PTPRD: variants seen among roughly 807,000 people sequenced by gnomAD.
PTPRD encodes the protein receptor-type tyrosine-protein phosphatase delta.
In PTPRD, 34 loss-of-function variants were observed where a neutral mutation model predicts 214.5. That is an observed-to-expected ratio of 0.16 (90% CI 0.12 to 0.21). PTPRD has a LOEUF of 0.21. Among genes scored for constraint, PTPRD ranks in the 10% least tolerant of loss-of-function variants. The probability of loss-of-function intolerance (pLI) is 1.00; values close to 1 mark genes in which losing one functional copy is unlikely to be tolerated. For missense variants in PTPRD, 2,545 were observed against 2,398.7 expected, an observed-to-expected ratio of 1.06 and a Z score of -1.27; for synonymous variants, 1,128 against 845.7, an observed-to-expected ratio of 1.33 and a Z score of -5.79.
intron 2 of PTPRD, among the ~76,000 whole-genome samples, chr9:10,415,690 T>C (rs1354772903): frequency 6.6e-6 from 1 of 151,880 alleles, no homozygotes; most frequent in East Asian, 2.0e-4. Flanking sequence ...AAGTGAATCA[T>C]TGCTGAAATG....
At chr9:10,506,081 T>C (rs982780003) in intron 2 of PTPRD, among the ~76,000 whole-genome samples, 3 of 152,122 alleles carry the variant, frequency 2.0e-5, no homozygotes, top group African/African-American at 4.8e-5. Flanking sequence ...ATGAAGGTTA[T>C]TGATTGCAAG....
intron 12 of PTPRD, among the ~76,000 whole-genome samples, chr9:8,715,054 G>C (rs1287702144): frequency 6.6e-6 from 1 of 150,840 alleles, no homozygotes; most frequent in East Asian, 1.9e-4. Flanking sequence ...AGACATTCAA[G>C]AAGAAAGAGA....
At chr9:9,027,296 G>T (rs1011242958) in intron 10 of PTPRD, among the ~76,000 whole-genome samples, 3 of 151,746 alleles carry the variant, frequency 2.0e-5, no homozygotes, top group African/African-American at 7.3e-5. Context: ...AGAATAGATA[G>T]ATATACAATG....
chr9:10,362,732 T>G (rs949911903), intron 2 of PTPRD, among the ~76,000 whole-genome samples: 1 of 151,826 alleles, frequency 6.6e-6, no homozygotes, highest in Non-Finnish European at 1.5e-5. Flanking sequence ...ATATAAAAAT[T>G]AGCCAGGCAT....
At chr9:9,493,714 G>C (rs1283370947) in intron 8 of PTPRD, among the ~76,000 whole-genome samples, 2 of 148,654 alleles carry the variant, frequency 1.3e-5, no homozygotes, top group African/African-American at 5.0e-5. Context: ...CGTGAACCCA[G>C]GAGGCAGAGC....
At chr9:10,549,347 C>T (rs1244549239) in intron 2 of PTPRD, among the ~76,000 whole-genome samples, 5 of 151,928 alleles carry the variant, frequency 3.3e-5, no homozygotes, top group Middle Eastern at 3.2e-3. Flanking sequence ...GAGTTGATTC[C>T]GATGAAGGAT....
At chr9:9,511,902 T>C (rs1340846224) in intron 8 of PTPRD, among the ~76,000 whole-genome samples, 1 of 151,768 alleles carries the variant, frequency 6.6e-6, no homozygotes, top group East Asian at 1.9e-4. Context: ...AAATTTTTCA[T>C]AGAAGACCTA....
chr9:8,440,039 C>G (rs911011081), intron 34 of PTPRD, among the ~76,000 whole-genome samples: 1 of 139,152 alleles, frequency 7.2e-6, no homozygotes, highest in Non-Finnish European at 1.5e-5. Flanking sequence ...TTTAAAGTTC[C>G]TCAGCACTGG....
At chr9:10,590,578 G>T (rs1567097236) in intron 2 of PTPRD, among the ~76,000 whole-genome samples, 1 of 151,892 alleles carries the variant, frequency 6.6e-6, no homozygotes. Flanking sequence ...TATATAATAT[G>T]TTGTCTCTGG....
At chr9:8,434,259 A>G (rs1388589883) in intron 35 of PTPRD, among the ~76,000 whole-genome samples, 3 of 152,174 alleles carry the variant, frequency 2.0e-5, no homozygotes, top group African/African-American at 7.2e-5. Flanking sequence ...GGGATTACAC[A>G]AGTGAGCCAC....
chr9:9,398,046 C>T (rs1391564182), intron 8 of PTPRD, among the ~76,000 whole-genome samples: 1 of 151,916 alleles, frequency 6.6e-6, no homozygotes, highest in Non-Finnish European at 1.5e-5. Flanking sequence ...TTATCTCCCA[C>T]TATTTTCCCT....
intron 8 of PTPRD, among the ~76,000 whole-genome samples, chr9:9,465,901 G>C (rs1325997214): frequency 6.6e-6 from 1 of 151,926 alleles, no homozygotes; most frequent in Non-Finnish European, 1.5e-5. Context: ...CACCCAATCG[G>C]CCACAACCAT....
At chr9:8,397,492 C>T (rs939432606) in intron 36 of PTPRD, among the ~76,000 whole-genome samples, 3 of 152,016 alleles carry the variant, frequency 2.0e-5, no homozygotes, top group Non-Finnish European at 1.5e-5. Context: ...ATTGAAAATA[C>T]ATCCAGTTAC....
chr9:8,866,379 GT>G (rs1171692686), intron 11 of PTPRD, among the ~76,000 whole-genome samples: 2 of 151,970 alleles, frequency 1.3e-5, no homozygotes, highest in Non-Finnish European at 2.9e-5. Context: ...TATCTCTACT[GT>G]TCTCTGGACT....
At position 8,386,189 on chromosome 9, in the gene PTPRD, T is replaced by C. The variant is rs1293432185; in HGVS notation, c.4386+3043A>G. ...AGGAGTCAAGTAAACTTGCTCATTG[T>C]CACACAGCTAGTAGAGGCTAGAGTT... On this transcript the variant is annotated intron_variant, in intron 37 of 45. Transcript: ENST00000381196. Among the ~76,000 whole-genome samples, 3 of 152,186 alleles carry C rather than the reference T, an allele frequency of 2.0e-5. 1 individual carries two copies. The highest frequency in any genetic ancestry group is 4.4e-5 in the Non-Finnish European group (3 of 68,030).
At chr9:9,879,627 A>G (rs1190178963) in intron 5 of PTPRD, among the ~76,000 whole-genome samples, 1 of 152,206 alleles carries the variant, frequency 6.6e-6, no homozygotes, top group African/African-American at 2.4e-5. Context: ...CTGTCAGACC[A>G]GGAATATACT....
intron 37 of PTPRD, among the ~76,000 whole-genome samples, chr9:8,378,290 G>A (rs976409940): frequency 6.6e-5 from 10 of 152,010 alleles, no homozygotes; most frequent in Admixed American, 1.3e-4. Context: ...GAATACTGAC[G>A]TAGAGTGACC....
chr9:10,350,687 G>A (rs2097166867), intron 2 of PTPRD, among the ~76,000 whole-genome samples: 1 of 152,108 alleles, frequency 6.6e-6, no homozygotes, highest in African/African-American at 2.4e-5. Context: ...GTATTACACT[G>A]TATATAAAAA....
chr9:10,340,434 G>C (rs1380620837), intron 3 of PTPRD, among the ~76,000 whole-genome samples: 1 of 151,838 alleles, frequency 6.6e-6, no homozygotes, highest in East Asian at 1.9e-4. Context: ...ACCAGTGTGA[G>C]ATTATATACT....
Sources: allele counts gnomAD v4.1 joint callset (sites outside exome capture counted in the v4.1 genomes callset), GRCh38; gene constraint gnomAD v4.1.1; transcripts MANE v1.5; gene names NCBI Gene and HGNC (gene_info 2026-07-23, HGNC 2026-07-21).